The following CEP128 variants were observed in gnomAD, a reference collection of about 807,000 sequenced individuals.
CEP128 encodes centrosomal protein 128kDa.
Under a neutral mutation model 156.7 loss-of-function variants are expected in CEP128, and 132 were observed. That is an observed-to-expected ratio of 0.84 (90% CI 0.73 to 0.97). The LOEUF is 0.97. CEP128 is among the 50% of genes least tolerant of loss of function. CEP128 has a pLI of 0.00. For synonymous variants in CEP128, 469 were observed against 448.9 expected (o/e 1.04, Z -0.57); for missense variants, 1,252 against 1,281.9 (o/e 0.98, Z 0.36).
chr14:80,748,770 G>A (rs1899236197), intron 18 of CEP128, among the ~76,000 whole-genome samples: 1 of 152,144 alleles, frequency 6.6e-6, no homozygotes, highest in Non-Finnish European at 1.5e-5. Flanking sequence ...GGAGAGGGAA[G>A]AGTAAAAGGG....
chr14:80,537,272 C>T (rs1889527358), intron 21 of CEP128, among the ~76,000 whole-genome samples: 1 of 152,052 alleles, frequency 6.6e-6, no homozygotes, highest in Admixed American at 6.6e-5. Flanking sequence ...TACAGTCAAC[C>T]CATTATCTTA....
At position 80,692,813 on chromosome 14, in the gene CEP128, T is replaced by A. The variant is rs561741150; in HGVS notation, c.2806+50262A>T. 3.8e-4 allele frequency among the ~76,000 whole-genome samples: 58 copies of A among 152,314 alleles called. 2 individuals carry two copies. In the Middle Eastern group the frequency reaches 0.024, roughly 63 times the overall value. On this transcript the variant is annotated intron_variant, in intron 19 of 24. Transcript: ENST00000555265. ...CCAGACCAGCTCACTCTGCACTGGT[T>A]TTCCTTTAGATAGAGAAAGTTTGTT...
intron 2 of CEP128, among the ~76,000 whole-genome samples, chr14:80,951,893 A>G (rs761778088): frequency 6.6e-6 from 1 of 152,116 alleles, no homozygotes; most frequent in Non-Finnish European, 1.5e-5. Flanking sequence ...GGATATCACA[A>G]GGTATAAAGA....
At chr14:80,763,530 T>C (rs1197852128) in intron 16 of CEP128, among the ~76,000 whole-genome samples, 5 of 152,236 alleles carry the variant, frequency 3.3e-5, no homozygotes, top group African/African-American at 4.8e-5. Flanking sequence ...CTACCACCTA[T>C]ACCTTCTTAT....
chr14:80,900,903 G>A (rs1216718420), intron 6 of CEP128, among the ~76,000 whole-genome samples: 1 of 152,178 alleles, frequency 6.6e-6, no homozygotes, highest in Admixed American at 6.5e-5. Context: ...GGAAAAGATG[G>A]AGTATAAAAG....
At chr14:80,639,016 A>G (rs1894304412) in intron 19 of CEP128, among the ~76,000 whole-genome samples, 1 of 152,188 alleles carries the variant, frequency 6.6e-6, no homozygotes, top group African/African-American at 2.4e-5. Flanking sequence ...TCCCTGTCTA[A>G]TATTTGCATT....
At chr14:80,750,556 T>A (rs986576934) in intron 18 of CEP128, among the ~76,000 whole-genome samples, 1 of 152,232 alleles carries the variant, frequency 6.6e-6, no homozygotes, top group Admixed American at 6.5e-5. Context: ...CAGTAATCTC[T>A]TCTAACCCAG....
intron 21 of CEP128, among the ~76,000 whole-genome samples, chr14:80,543,798 T>C (rs770653071): frequency 7.9e-5 from 12 of 152,212 alleles, no homozygotes; most frequent in Non-Finnish European, 1.3e-4. Flanking sequence ...GAGTTGGTCT[T>C]GCCAAAACAA....
chr14:80,546,597 T>C (rs1028546666), intron 21 of CEP128, among the ~76,000 whole-genome samples: 3 of 152,212 alleles, frequency 2.0e-5, no homozygotes, highest in African/African-American at 7.2e-5. Context: ...AGAATCCACA[T>C]ACTTTAAGTC....
intron 2 of CEP128, among the ~76,000 whole-genome samples, chr14:80,952,097 T>G (rs1566733272): frequency 6.6e-6 from 1 of 152,092 alleles, no homozygotes; most frequent in East Asian, 1.9e-4. Context: ...ACAATTGATA[T>G]GACAAGTAGA....
At chr14:80,755,904 T>A (rs1378132042) in intron 18 of CEP128, among the ~76,000 whole-genome samples, 1 of 152,126 alleles carries the variant, frequency 6.6e-6, no homozygotes, top group African/African-American at 2.4e-5. Flanking sequence ...TGATCAGAAG[T>A]TCAATCCCAT....
intron 19 of CEP128, among the ~76,000 whole-genome samples, chr14:80,688,654 G>A (rs916889169): frequency 5.9e-5 from 9 of 152,194 alleles, no homozygotes; most frequent in African/African-American, 1.2e-4. Context: ...TCACTTTGCT[G>A]TGAGTTGATG....
At chr14:80,487,302 G>A (rs1887188317), downstream of CEP128, among the ~76,000 whole-genome samples, 1 of 152,026 alleles carries the variant, frequency 6.6e-6, no homozygotes, top group African/African-American at 2.4e-5. Context: ...ATGGTAAAGG[G>A]ATCAATTCAA....
intron 2 of CEP128, among the ~76,000 whole-genome samples, chr14:80,935,634 G>T (rs1885748159): frequency 1.2e-5 from 1 of 80,408 alleles, no homozygotes; most frequent in Non-Finnish European, 2.1e-5. Context: ...TTCAAGCTAT[G>T]AGTCCCCCCA....
At chr14:80,476,972 G>T (rs1436757003), downstream of CEP128, 1 of 151,924 alleles carries the variant, frequency 6.6e-6, no homozygotes, top group East Asian at 1.9e-4. Flanking sequence ...CTGTTCGTAA[G>T]AATCCTTCAT....
At chr14:80,690,615 T>A (rs1896689643) in intron 19 of CEP128, among the ~76,000 whole-genome samples, 1 of 152,092 alleles carries the variant, frequency 6.6e-6, no homozygotes, top group African/African-American at 2.4e-5. Flanking sequence ...GAAAATATAT[T>A]TCTTTTCATA....
intron 19 of CEP128, among the ~76,000 whole-genome samples, chr14:80,662,089 T>A (rs915596915): frequency 6.6e-6 from 1 of 152,148 alleles, no homozygotes; most frequent in Admixed American, 6.5e-5. Context: ...GCTGAATGCG[T>A]GGGAAACATA....
intron 19 of CEP128, among the ~76,000 whole-genome samples, chr14:80,678,761 C>T (rs1209637306): frequency 4.6e-5 from 7 of 152,134 alleles, no homozygotes; most frequent in Non-Finnish European, 1.0e-4. Flanking sequence ...GAGGGAAAGA[C>T]ACCTGGAAAA....
At chr14:80,837,976 A>G (rs1013640284) in intron 11 of CEP128, among the ~76,000 whole-genome samples, 2 of 152,242 alleles carry the variant, frequency 1.3e-5, no homozygotes, top group African/African-American at 4.8e-5. Context: ...AGCAGCAATC[A>G]GCAAGATACA....
Sources: allele counts gnomAD v4.1 joint callset (sites outside exome capture counted in the v4.1 genomes callset), GRCh38; gene constraint gnomAD v4.1.1; transcripts MANE v1.5; gene names NCBI Gene and HGNC (gene_info 2026-07-23, HGNC 2026-07-21).